SLC24A3: variants seen among roughly 807,000 people sequenced by gnomAD.
SLC24A3 encodes sodium/potassium/calcium exchanger 3.
Under a neutral mutation model 75.8 loss-of-function variants are expected in SLC24A3, and 28 were observed. The observed-to-expected ratio is 0.37, with a 90% CI of 0.27 to 0.51. The LOEUF is 0.51. SLC24A3 is among the 20% of genes least tolerant of loss of function. The pLI, the probability that SLC24A3 is intolerant of heterozygous loss-of-function variation, is 0.94. For synonymous variants in SLC24A3, 372 were observed against 334.1 expected (o/e 1.11, Z -1.24); for missense variants, 663 against 847.8 (o/e 0.78, Z 2.71).
intron 2 of SLC24A3, among the ~76,000 whole-genome samples, chr20:19,323,079 G>A (rs11907055): frequency 0.072 from 10,933 of 150,830 alleles, 1,272 homozygotes; most frequent in African/African-American, 0.25. Flanking sequence ...GGTAGCGGGC[G>A]CCTGTAGTCC....
At chr20:19,629,144 C>G (rs952148121) in intron 6 of SLC24A3, among the ~76,000 whole-genome samples, 1 of 152,012 alleles carries the variant, frequency 6.6e-6, no homozygotes, top group African/African-American at 2.4e-5. Context: ...CACACACACA[C>G]ACAGACAACT....
intron 2 of SLC24A3, among the ~76,000 whole-genome samples, chr20:19,291,392 G>A (rs528927785): frequency 1.1e-4 from 16 of 152,208 alleles, no homozygotes; most frequent in Non-Finnish European, 2.1e-4. Flanking sequence ...GTGCGCTTTG[G>A]TTTGGTCAGA....
At chr20:19,304,785 G>C (rs1174010320) in intron 2 of SLC24A3, among the ~76,000 whole-genome samples, 1 of 152,154 alleles carries the variant, frequency 6.6e-6, no homozygotes, top group Non-Finnish European at 1.5e-5. Flanking sequence ...ATTGTTCCTA[G>C]AAAAGATGAA....
intron 2 of SLC24A3, among the ~76,000 whole-genome samples, chr20:19,433,607 G>C (rs999795570): frequency 1.3e-5 from 2 of 152,210 alleles, no homozygotes; most frequent in African/African-American, 4.8e-5. Context: ...TTTGGTAAGA[G>C]TGACTCAGTA....
intron 2 of SLC24A3, among the ~76,000 whole-genome samples, chr20:19,346,474 A>C (rs1230600429): frequency 6.6e-6 from 1 of 150,884 alleles, no homozygotes; most frequent in Non-Finnish European, 1.5e-5. Flanking sequence ...AATACTACTC[A>C]GCCATAAAAA....
intron 2 of SLC24A3, among the ~76,000 whole-genome samples, chr20:19,376,213 T>C (rs1405152614): frequency 6.6e-6 from 1 of 152,206 alleles, no homozygotes; most frequent in Non-Finnish European, 1.5e-5. Flanking sequence ...TCCTATACTT[T>C]TATTATTTTG....
chr20:19,537,747 A>G (rs921079736), intron 3 of SLC24A3, among the ~76,000 whole-genome samples: 1 of 152,158 alleles, frequency 6.6e-6, no homozygotes, highest in African/African-American at 2.4e-5. Context: ...ATGAAGCTGG[A>G]AACCATCATT....
chr20:19,462,402 G>A (rs562107898), intron 2 of SLC24A3, among the ~76,000 whole-genome samples: 96 of 151,968 alleles, frequency 6.3e-4, no homozygotes, highest in African/African-American at 2.2e-3. Flanking sequence ...GACTACGGGC[G>A]CCTGACACCA....
chr20:19,270,508 T>A (rs982092564), intron 1 of SLC24A3, among the ~76,000 whole-genome samples: 5 of 152,160 alleles, frequency 3.3e-5, no homozygotes, highest in African/African-American at 1.2e-4. Flanking sequence ...CAGGTTCTGG[T>A]GAGGGCCCTC....
chr20:19,333,022 A>G (rs1985037084), intron 2 of SLC24A3, among the ~76,000 whole-genome samples: 1 of 152,294 alleles, frequency 6.6e-6, no homozygotes, highest in Non-Finnish European at 1.5e-5. Context: ...CTTGTGGCTA[A>G]TAGAGGGCTG....
chr20:19,445,798 C>T (rs1406613677), intron 2 of SLC24A3, among the ~76,000 whole-genome samples: 2 of 152,166 alleles, frequency 1.3e-5, no homozygotes, highest in African/African-American at 2.4e-5. Flanking sequence ...CAGATGGGTG[C>T]TGACATGGTC....
At chr20:19,243,962 G>C (rs138167428) in intron 1 of SLC24A3, 1 of 152,284 alleles carries the variant, frequency 6.6e-6, no homozygotes, top group East Asian at 1.9e-4. Flanking sequence ...CCACCTGAAT[G>C]TTCTTACACT....
intron 2 of SLC24A3, among the ~76,000 whole-genome samples, chr20:19,362,623 G>C (rs1985809653): frequency 6.6e-6 from 1 of 152,220 alleles, no homozygotes. Context: ...TCCCAGACGA[G>C]ATAGCCGATG....
chr20:19,404,962 A>G (rs1040037604), intron 2 of SLC24A3, among the ~76,000 whole-genome samples: 10 of 152,112 alleles, frequency 6.6e-5, no homozygotes, highest in African/African-American at 1.7e-4. Flanking sequence ...CTCTCGGGGT[A>G]CTTAGGACAG....
chr20:19,449,267 T>C (rs1987441216), intron 2 of SLC24A3, among the ~76,000 whole-genome samples: 1 of 152,192 alleles, frequency 6.6e-6, no homozygotes, highest in Middle Eastern at 3.2e-3. Flanking sequence ...CTGAGCAGCT[T>C]TGCGAGGCTT....
At chr20:19,588,495 C>T (rs2031330305) in intron 6 of SLC24A3, among the ~76,000 whole-genome samples, 1 of 152,298 alleles carries the variant, frequency 6.6e-6, no homozygotes, top group Non-Finnish European at 1.5e-5. Context: ...TAAATGTCTG[C>T]TGTATTTGCA....
chr20:19,553,867 A>AT (rs2030742337), intron 3 of SLC24A3, among the ~76,000 whole-genome samples: 1 of 152,172 alleles, frequency 6.6e-6, no homozygotes, highest in African/African-American at 2.4e-5. Context: ...CAGCCTGTGC[A>AT]TTTTTTGGGT....
intron 3 of SLC24A3, among the ~76,000 whole-genome samples, chr20:19,552,558 A>G (rs2122600713): frequency 6.6e-6 from 1 of 152,302 alleles, no homozygotes; most frequent in Admixed American, 6.5e-5. Context: ...GACAGCATAA[A>G]TCATTCCTTT....
At chr20:19,638,050 T>C (rs1243324998) in intron 6 of SLC24A3, among the ~76,000 whole-genome samples, 2 of 152,306 alleles carry the variant, frequency 1.3e-5, no homozygotes, top group East Asian at 3.9e-4. Flanking sequence ...TATAGACCCA[T>C]CCTCTAAGTT....
Sources: gnomAD v4.1 joint callset for allele counts (sites outside exome capture counted in the v4.1 genomes callset) on GRCh38, gnomAD v4.1.1 for gene constraint, MANE v1.5 for transcripts, NCBI Gene and HGNC (gene_info 2026-07-23, HGNC 2026-07-21) for gene names.